PTPRD: variants seen among roughly 807,000 people sequenced by gnomAD.
The protein encoded by PTPRD is protein tyrosine phosphatase receptor type D.
In PTPRD, 34 loss-of-function variants were observed where a neutral mutation model predicts 214.5. That is an observed-to-expected ratio of 0.16 (90% CI 0.12 to 0.21). The LOEUF is 0.21. PTPRD is among the 10% of genes least tolerant of loss of function. The probability of loss-of-function intolerance (pLI) is 1.00; values close to 1 mark genes in which losing one functional copy is unlikely to be tolerated. For synonymous variants in PTPRD, 1,128 were observed against 845.7 expected, an observed-to-expected ratio of 1.33 and a Z score of -5.79; for missense variants, 2,545 against 2,398.7, an observed-to-expected ratio of 1.06 and a Z score of -1.27.
At chr9:10,560,000 G>C (rs1215574417) in intron 2 of PTPRD, among the ~76,000 whole-genome samples, 1 of 152,170 alleles carries the variant, frequency 6.6e-6, no homozygotes, top group Non-Finnish European at 1.5e-5. Flanking sequence ...AGTCAGTGTG[G>C]CGATTCTTCA....
intron 8 of PTPRD, among the ~76,000 whole-genome samples, chr9:9,506,866 G>C (rs937295299): frequency 6.6e-6 from 1 of 151,234 alleles, no homozygotes; most frequent in Non-Finnish European, 1.5e-5. Flanking sequence ...TTGTTAACAA[G>C]GCTGGTTAAC....
chr9:9,307,389 T>G (rs1957469683), intron 9 of PTPRD, among the ~76,000 whole-genome samples: 1 of 152,132 alleles, frequency 6.6e-6, no homozygotes, highest in Non-Finnish European at 1.5e-5. Flanking sequence ...CACAGCCTCA[T>G]CCAAGCCTAA....
At chr9:8,872,615 C>T (rs1421834826) in intron 11 of PTPRD, among the ~76,000 whole-genome samples, 1 of 152,200 alleles carries the variant, frequency 6.6e-6, no homozygotes, top group African/African-American at 2.4e-5. Context: ...GATAAAATAG[C>T]ACATCCTCTA....
intron 7 of PTPRD, among the ~76,000 whole-genome samples, chr9:9,669,654 T>C (rs2096789222): frequency 6.6e-6 from 1 of 152,184 alleles, no homozygotes; most frequent in South Asian, 2.1e-4. Context: ...TATTTGTCTT[T>C]AATGAATACA....
At chr9:8,709,410 G>A (rs2098279266) in intron 12 of PTPRD, among the ~76,000 whole-genome samples, 1 of 151,108 alleles carries the variant, frequency 6.6e-6, no homozygotes, top group South Asian at 2.1e-4. Context: ...AGCTACTCGG[G>A]AGGCTGAGGC....
chr9:8,717,229 C>T (rs1428527022), intron 12 of PTPRD, among the ~76,000 whole-genome samples: 1 of 152,004 alleles, frequency 6.6e-6, no homozygotes, highest in East Asian at 1.9e-4. Context: ...ACACAAAAAC[C>T]GTATCAATGT....
chr9:10,085,655 C>A (rs1372257221), intron 3 of PTPRD, among the ~76,000 whole-genome samples: 1 of 151,588 alleles, frequency 6.6e-6, no homozygotes, highest in Non-Finnish European at 1.5e-5. Flanking sequence ...CCTGTGCATG[C>A]CTCCCATCAC....
chr9:10,047,994 T>G (rs139990445), intron 3 of PTPRD, among the ~76,000 whole-genome samples: 1 of 152,126 alleles, frequency 6.6e-6, no homozygotes, highest in Non-Finnish European at 1.5e-5. Context: ...TATAACAGAG[T>G]GAACTTTCCA....
chr9:9,674,239 A>G (rs2096886778), intron 7 of PTPRD, among the ~76,000 whole-genome samples: 1 of 151,876 alleles, frequency 6.6e-6, no homozygotes, highest in Admixed American at 6.6e-5. Flanking sequence ...TATTTTAGGT[A>G]TTGATACTGT....
chr9:10,243,198 T>C (rs1415566925), intron 3 of PTPRD, among the ~76,000 whole-genome samples: 5 of 151,978 alleles, frequency 3.3e-5, no homozygotes, highest in African/African-American at 4.8e-5. Flanking sequence ...TATTTCTATC[T>C]GAAGTTGCTG....
chr9:8,318,784 T>C (rs1247949346), intron 45 of PTPRD, among the ~76,000 whole-genome samples: 1 of 152,066 alleles, frequency 6.6e-6, no homozygotes, highest in Non-Finnish European at 1.5e-5. Flanking sequence ...ACTATCATAT[T>C]GGAATAAATT....
At chr9:8,828,356 A>G (rs1349488052) in intron 11 of PTPRD, among the ~76,000 whole-genome samples, 2 of 152,194 alleles carry the variant, frequency 1.3e-5, no homozygotes, top group Non-Finnish European at 2.9e-5. Flanking sequence ...TAGTGCTCTT[A>G]TAAGAAGAAA....
chr9:9,846,066 G>A (rs1445508054), intron 5 of PTPRD, among the ~76,000 whole-genome samples: 2 of 152,042 alleles, frequency 1.3e-5, no homozygotes, highest in African/African-American at 4.8e-5. Flanking sequence ...TATGTAGCTA[G>A]GCATGGAAAG....
chr9:8,476,644 C>T (rs951222914), intron 30 of PTPRD, among the ~76,000 whole-genome samples: 5 of 152,226 alleles, frequency 3.3e-5, no homozygotes, highest in African/African-American at 1.2e-4. Context: ...CATTTTTAAT[C>T]TATACATTTT....
intron 9 of PTPRD, among the ~76,000 whole-genome samples, chr9:9,219,225 A>G (rs955802715): frequency 6.6e-6 from 1 of 152,102 alleles, no homozygotes; most frequent in African/African-American, 2.4e-5. Context: ...AGATTTAAAA[A>G]CACTGTCTGC....
At chr9:8,604,700 A>G (rs1295388692) in intron 14 of PTPRD, among the ~76,000 whole-genome samples, 1 of 152,212 alleles carries the variant, frequency 6.6e-6, no homozygotes, top group Non-Finnish European at 1.5e-5. Context: ...TGCATTTCTG[A>G]AGTAATCAAT....
chr9:10,587,769 A>AT (rs1315842754), intron 2 of PTPRD, among the ~76,000 whole-genome samples: 1 of 152,086 alleles, frequency 6.6e-6, no homozygotes, highest in Non-Finnish European at 1.5e-5. Context: ...AACTGAAGAT[A>AT]TAGTCTATTC....
chr9:9,809,133 C>A (rs969271189), intron 5 of PTPRD, among the ~76,000 whole-genome samples: 2 of 151,910 alleles, frequency 1.3e-5, no homozygotes, highest in African/African-American at 4.8e-5. Flanking sequence ...TTTTGGGTCT[C>A]ATATTTGTGG....
chr9:10,463,860 G>A (rs2098975610), intron 2 of PTPRD, among the ~76,000 whole-genome samples: 1 of 152,108 alleles, frequency 6.6e-6, no homozygotes, highest in African/African-American at 2.4e-5. Context: ...TTTCAGATCT[G>A]TGAACTTTCA....
Sources: gnomAD v4.1 joint callset for allele counts (sites outside exome capture counted in the v4.1 genomes callset) on GRCh38, gnomAD v4.1.1 for gene constraint, MANE v1.5 for transcripts, NCBI Gene and HGNC (gene_info 2026-07-23, HGNC 2026-07-21) for gene names.